POFUT3: variants seen among roughly 807,000 people sequenced by gnomAD.
POFUT3 encodes the protein GDP-fucose protein O-fucosyltransferase 3.
the POFUT3 span, chr8:33,451,683 C>T: frequency 2.0e-5 from 3 of 151,662 alleles, no homozygotes; most frequent in African/African-American, 7.3e-5. Flanking sequence ...TTGTATTAGT[C>T]CATTCTCATA....
chr8:33,340,139 C>T, the POFUT3 span, among the ~76,000 whole-genome samples: 103 of 152,140 alleles, frequency 6.8e-4, 1 homozygote, highest in Middle Eastern at 0.014. Flanking sequence ...CTATATCTCA[C>T]TCAAGCTGGT....
chr8:33,380,001 A>AG, the POFUT3 span, among the ~76,000 whole-genome samples: 1 of 85,850 alleles, frequency 1.2e-5, no homozygotes, highest in African/African-American at 5.4e-5. Flanking sequence ...GTATATATAT[A>AG]TACTATATAT....
chr8:33,464,441 G>A, the POFUT3 span, among the ~76,000 whole-genome samples: 1 of 152,248 alleles, frequency 6.6e-6, no homozygotes, highest in South Asian at 2.1e-4. Flanking sequence ...AAAGTAACTT[G>A]ACCAAGACTC....
At chr8:33,375,271 A>C in the POFUT3 span, among the ~76,000 whole-genome samples, 2 of 152,138 alleles carry the variant, frequency 1.3e-5, no homozygotes, top group Admixed American at 6.6e-5. Flanking sequence ...CCAAAACAAG[A>C]GAATAAACTA....
the POFUT3 span, among the ~76,000 whole-genome samples, chr8:33,397,639 A>G: frequency 6.6e-6 from 1 of 152,200 alleles, no homozygotes; most frequent in Non-Finnish European, 1.5e-5. Context: ...TGAAACTTTC[A>G]TGATGAGGCT....
chr8:33,406,172 A>G, the POFUT3 span, among the ~76,000 whole-genome samples: 1 of 152,198 alleles, frequency 6.6e-6, no homozygotes, highest in Non-Finnish European at 1.5e-5. Flanking sequence ...TTTTAGTTAT[A>G]GCCATACTAT....
the POFUT3 span, among the ~76,000 whole-genome samples, chr8:33,445,080 C>T: frequency 0.012 from 1,887 of 151,818 alleles, 42 homozygotes; most frequent in African/African-American, 0.043. Context: ...ACTACAGGCA[C>T]GCACCACCAT....
At chr8:33,440,645 A>T in the POFUT3 span, among the ~76,000 whole-genome samples, 4 of 152,066 alleles carry the variant, frequency 2.6e-5, no homozygotes, top group Non-Finnish European at 5.9e-5. Context: ...CACGTGAACC[A>T]CTTCACACAG....
At chr8:33,313,936 T>C in the POFUT3 span, among the ~76,000 whole-genome samples, 5 of 152,142 alleles carry the variant, frequency 3.3e-5, 1 homozygote, top group South Asian at 1.0e-3. Context: ...CTTGATTTCA[T>C]TAGCTTTAGG....
the POFUT3 span, among the ~76,000 whole-genome samples, chr8:33,357,091 G>C: frequency 6.6e-6 from 1 of 152,196 alleles, no homozygotes; most frequent in Non-Finnish European, 1.5e-5. Flanking sequence ...AGTATAGTTT[G>C]ACGTCAGGTA....
chr8:33,430,534 T>G, the POFUT3 span, among the ~76,000 whole-genome samples: 1 of 152,186 alleles, frequency 6.6e-6, no homozygotes, highest in Non-Finnish European at 1.5e-5. Flanking sequence ...TGTCAAAGAC[T>G]TGAGAAAAAC....
At chr8:33,313,414 G>A in the POFUT3 span, among the ~76,000 whole-genome samples, 7 of 152,128 alleles carry the variant, frequency 4.6e-5, no homozygotes, top group African/African-American at 1.4e-4. Context: ...CTTCTTTTCC[G>A]ATCCTAACCC....
chr8:33,312,005 G>A, the POFUT3 span, among the ~76,000 whole-genome samples: 8 of 152,066 alleles, frequency 5.3e-5, no homozygotes, highest in African/African-American at 7.2e-5. Context: ...GGTCACACTC[G>A]TAATCCTAGC....
At chr8:33,411,302 G>A in the POFUT3 span, among the ~76,000 whole-genome samples, 1 of 152,206 alleles carries the variant, frequency 6.6e-6, no homozygotes, top group Non-Finnish European at 1.5e-5. Flanking sequence ...AGCACAGCTG[G>A]AACGAGCCCA....
the POFUT3 span, among the ~76,000 whole-genome samples, chr8:33,349,623 T>C: frequency 6.6e-6 from 1 of 152,224 alleles, no homozygotes. Flanking sequence ...TGGTTCCTTT[T>C]TATGGCTGAG....
chr8:33,376,032 A>AC, the POFUT3 span, among the ~76,000 whole-genome samples: 5 of 151,824 alleles, frequency 3.3e-5, no homozygotes, highest in Non-Finnish European at 5.9e-5. Flanking sequence ...GAAAAAAAAA[A>AC]AACAACAGGA....
At chr8:33,325,907 G>A in the POFUT3 span, among the ~76,000 whole-genome samples, 1 of 152,116 alleles carries the variant, frequency 6.6e-6, no homozygotes, top group Non-Finnish European at 1.5e-5. Flanking sequence ...TCCACTATCT[G>A]TACACACCCC....
the POFUT3 span, among the ~76,000 whole-genome samples, chr8:33,463,610 T>C: frequency 6.6e-6 from 1 of 152,112 alleles, no homozygotes; most frequent in East Asian, 1.9e-4. Context: ...AGTAGTGTGA[T>C]CATGGCTCAC....
At chr8:33,342,310 T>G in the POFUT3 span, among the ~76,000 whole-genome samples, 1 of 152,030 alleles carries the variant, frequency 6.6e-6, no homozygotes, top group Non-Finnish European at 1.5e-5. Flanking sequence ...TGAGCTGTGT[T>G]TGTACCACTG....
Sources: gnomAD v4.1 joint callset for allele counts (sites outside exome capture counted in the v4.1 genomes callset) on GRCh38, gnomAD v4.1.1 for gene constraint, MANE v1.5 for transcripts, NCBI Gene and HGNC (gene_info 2026-07-23, HGNC 2026-07-21) for gene names.